YWHAZ: variants seen among roughly 807,000 people sequenced by gnomAD.
The protein encoded by YWHAZ is tyrosine 3-monooxygenase/tryptophan 5-monooxygenase activation protein zeta, also known as 14-3-3 protein zeta/delta.
For missense variants in YWHAZ, 79 were observed against 284.8 expected, an observed-to-expected ratio of 0.28 and a Z score of 5.20; for synonymous variants, 87 against 103.6, an observed-to-expected ratio of 0.84 and a Z score of 0.97.
rs1225543243 is a variant in YWHAZ at position 100,920,234 on chromosome 8, T to C, written c.*459A>G. On this transcript the variant is annotated 3_prime_UTR_variant, in exon 6 of 6. Coordinates refer to ENST00000395958, the MANE Select transcript of YWHAZ (RefSeq NM_145690.3). Reference sequence around the variant, plus strand: ...TACATGGTTTAATATGTGGTATCCATGGGGTATGATTCTACCACAGCCTTG... The same window carrying C: ...TACATGGTTTAATATGTGGTATCCACGGGGTATGATTCTACCACAGCCTTG... 6.1e-6 allele frequency: 1 copy of C among 162,998 alleles called. No homozygotes were observed. Among genetic ancestry groups the C allele is most frequent in the African/African-American group, 2.4e-5 (1 of 41,528 alleles). The allele number at this position is 162,998 out of a possible 1,614,324, so 10.1% of individuals were successfully genotyped here.
At position 100,920,041 on chromosome 8, in the gene YWHAZ, TA is replaced by T. The variant is rs1284957983; in HGVS notation, c.*651del. The T allele has an allele frequency of 6.6e-6, 1 of 152,430 alleles. No individual in the cohort carries two copies. Among genetic ancestry groups the T allele is most frequent in the Non-Finnish European group, 1.5e-5 (1 of 68,020 alleles). 9.4% of individuals were successfully genotyped at this position (152,430 alleles called of 1,614,324 possible). ...GTTGCCTAAAACATTTAAATACAAA[TA>T]AAATGAGTGTAGCAAAAATAATGAA... On this transcript the variant is annotated 3_prime_UTR_variant, in exon 6 of 6. Transcript: ENST00000395958.
rs1812935498 is a variant in YWHAZ, at chr8:100,920,551, C to T, written c.*142G>A. 1.2e-6 allele frequency: 1 copy of T among 803,618 alleles called. No homozygotes were observed. Among genetic ancestry groups the T allele is most frequent in the Non-Finnish European group, 2.0e-6 (1 of 495,274 alleles). The allele number at this position is 803,618 out of a possible 1,614,324, so 49.8% of individuals were successfully genotyped here. On this transcript the variant is annotated 3_prime_UTR_variant, in exon 6 of 6. Coordinates refer to ENST00000395958, the MANE Select transcript of YWHAZ (RefSeq NM_145690.3). ...CCCCTAATATTAAACATAAAAACCA[C>T]ATGGGAAATATAGAAATTCAAATAG...
At chr8:100,934,440 G>A (rs1461400916) in intron 2 of YWHAZ, among the ~76,000 whole-genome samples, 2 of 150,670 alleles carry the variant, frequency 1.3e-5, no homozygotes, top group East Asian at 1.9e-4. Context: ...GGTGGCTCAC[G>A]CCTGTAATCC....
rs1418852595 is a variant in YWHAZ, at chr8:100,948,010, C to CAA, written c.294+584_294+585dup. 31 of 1,238,830 alleles carry CAA rather than the reference C, an allele frequency of 2.5e-5. No individual in the cohort carries two copies. The highest frequency in any genetic ancestry group is 2.4e-5 in the Admixed American group (1 of 42,158). 76.7% of individuals were successfully genotyped at this position (1,238,830 alleles called of 1,614,324 possible). A position where few individuals can be genotyped will look rare whatever the true frequency, so the allele number is the denominator to read the frequency against. On this transcript the variant is annotated intron_variant, in intron 2 of 5. Coordinates refer to ENST00000395958, the MANE Select transcript of YWHAZ (RefSeq NM_145690.3). The surrounding 1 kb of genome is among the most constrained non-coding windows in gnomAD (Gnocchi z 4.2). ...TACTGAATACTTAAAATACTCGATT[C>CAA]AAACTGGAAAATCAAGCTTGAGTTG...
In YWHAZ at chr8:100,942,668, C is replaced by A. The variant is rs137915616; in HGVS notation, c.294+5928G>T. ...GAGTAATGAAGCAGAAACCCTCAGG[C>A]CATAAAGATGGTAATTAGCAACAGT... On this transcript the variant is annotated intron_variant, in intron 2 of 5. Coordinates refer to ENST00000395958, the MANE Select transcript of YWHAZ (RefSeq NM_145690.3). Among the ~76,000 whole-genome samples the A allele has an allele frequency of 3.5e-4, 54 of 152,214 alleles. No individual in the cohort carries two copies. The South Asian group carries it at 4.1e-3, about 12-fold the overall frequency.
At chr8:100,951,500 C>A in intron 1 of YWHAZ, 1 of 985,810 alleles carries the variant, frequency 1.0e-6, no homozygotes, top group Non-Finnish European at 1.2e-6. Context: ...GAGTCATTAT[C>A]TCGGGCGGAA....
At position 100,951,965 on chromosome 8, in the gene YWHAZ, G is replaced by C. The variant is rs924724444; in HGVS notation, c.-48C>G. 16 of 1,004,368 alleles carry C rather than the reference G, an allele frequency of 1.6e-5. No homozygotes were observed. The highest frequency in any genetic ancestry group is 6.1e-5 in the Admixed American group (1 of 16,450). The allele number at this position is 1,004,368 out of a possible 1,614,324, so 62.2% of individuals were successfully genotyped here. A position where few individuals can be genotyped will look rare whatever the true frequency, so the allele number is the denominator to read the frequency against. On this transcript the variant is annotated 5_prime_UTR_variant, in exon 1 of 6. Coordinates refer to ENST00000395958, the MANE Select transcript of YWHAZ (RefSeq NM_145690.3). ...GTGGGTGGTGGCGGCGGACGGACGG[G>C]CTCAGCAGTCTCTGGGCGGCGGCGG...
chr8:100,949,293 G>A (rs1264974679), intron 1 of YWHAZ, among the ~76,000 whole-genome samples: 1 of 152,092 alleles, frequency 6.6e-6, no homozygotes, highest in African/African-American at 2.4e-5. Flanking sequence ...TTTAGTAAAA[G>A]CATTGTTTAC....
intron 1 of YWHAZ, among the ~76,000 whole-genome samples, chr8:100,949,800 T>C (rs1163200358): frequency 6.6e-6 from 1 of 152,244 alleles, no homozygotes. Flanking sequence ...ACTACCCATC[T>C]AATTCTCTTT....
At chr8:100,934,031 A>C (rs1813945828) in intron 2 of YWHAZ, among the ~76,000 whole-genome samples, 1 of 151,650 alleles carries the variant, frequency 6.6e-6, no homozygotes, top group Non-Finnish European at 1.5e-5. Context: ...GGTGGTGCAC[A>C]CCTGTAATCC....
At chr8:100,946,592 G>C (rs1810293380) in intron 2 of YWHAZ, among the ~76,000 whole-genome samples, 1 of 151,900 alleles carries the variant, frequency 6.6e-6, no homozygotes, top group Admixed American at 6.6e-5. Flanking sequence ...AAACAAACCT[G>C]CTACAAGTCT....
At chr8:100,944,398 A>G (rs1810112726) in intron 2 of YWHAZ, among the ~76,000 whole-genome samples, 1 of 152,232 alleles carries the variant, frequency 6.6e-6, no homozygotes, top group African/African-American at 2.4e-5. Context: ...AAAAACGTAG[A>G]GCAGCAATAA....
Position 100,924,872 on chromosome 8 carries a change from GTTATC to G in YWHAZ, c.418+39_418+43del. On this transcript the variant is annotated intron_variant, in intron 3 of 5. Transcript: ENST00000395958. This position sits in a 1 kb window ranked among gnomAD's most constrained non-coding sequence, Gnocchi z 5.7. ...CGCTTCAGAGACTCTTCCTCACTATGTTATCTTATACAAGTTCAACCAACAGGTTT... is the reference window on the plus strand; with the variant it reads ...CGCTTCAGAGACTCTTCCTCACTATGTTATACAAGTTCAACCAACAGGTTT... 6.2e-7 allele frequency: 1 copy of G among 1,609,180 alleles called. No individual in the cohort carries two copies. Among genetic ancestry groups the G allele is most frequent in the Non-Finnish European group, 8.5e-7 (1 of 1,178,484 alleles).
rs981256680 is a variant in YWHAZ, at chr8:100,916,898, TAG to T, written c.*3793_*3794del. 6.6e-6 allele frequency: 1 copy of T among 151,786 alleles called. No individual in the cohort carries two copies. The highest frequency in any genetic ancestry group is 1.9e-4 in the East Asian group (1 of 5,150). 9.4% of individuals were successfully genotyped at this position (151,786 alleles called of 1,614,324 possible). A position where few individuals can be genotyped will look rare whatever the true frequency, so the allele number is the denominator to read the frequency against. ...AAAAGTATTTAATTAGTTTCACACT[TAG>T]AAAAGAATCCAAGTCTATTTTCCAA... On this transcript the variant is annotated 3_prime_UTR_variant, in exon 6 of 6. Transcript: ENST00000395958.
chr8:100,950,673 A>G (rs71506350), intron 1 of YWHAZ: 526,120 of 858,994 alleles, frequency 0.61, 163,584 homozygotes, highest in African/African-American at 0.76. Flanking sequence ...GGGGGGAGAG[A>G]TGGGGAGCGA....
At chr8:100,920,795 T>TCGGGGGG in intron 5 of YWHAZ, 43 bp from the exon 6 acceptor site, 1 of 88,016 alleles carries the variant, frequency 1.1e-5, no homozygotes, top group Non-Finnish European at 2.2e-5. Flanking sequence ...TTCAGTGGGA[T>TCGGGGGG]GGGGGGGGGG....
At chr8:100,949,738 C>T (rs1810570708) in intron 1 of YWHAZ, among the ~76,000 whole-genome samples, 1 of 152,198 alleles carries the variant, frequency 6.6e-6, no homozygotes, top group Non-Finnish European at 1.5e-5. Context: ...CATTTTGCTT[C>T]TAGCCATCAT....
Position 100,943,356 on chromosome 8 carries a change from A to G in YWHAZ, c.294+5240T>C, listed in dbSNP as rs564388667. 5.4e-4 allele frequency among the ~76,000 whole-genome samples: 83 copies of G among 152,352 alleles called. 1 individual carries two copies. The South Asian group carries it at 0.017, about 31-fold the overall frequency. On this transcript the variant is annotated intron_variant, in intron 2 of 5. Transcript: ENST00000395958. ...AAACTTATTAGAATTTCAATAAACT[A>G]TATGCTAACTTTTAAAACTTACTTG...
chr8:100,943,646 A>T (rs1208728382), intron 2 of YWHAZ, among the ~76,000 whole-genome samples: 1 of 152,014 alleles, frequency 6.6e-6, no homozygotes, highest in Admixed American at 6.6e-5. Flanking sequence ...AAAATATGTC[A>T]TTGGGTGTGG....
Sources: allele counts gnomAD v4.1 joint callset (sites outside exome capture counted in the v4.1 genomes callset), GRCh38; gene constraint gnomAD v4.1.1; non-coding constraint Gnocchi (gnomAD v3.1); transcripts MANE v1.5; gene names NCBI Gene and HGNC (gene_info 2026-07-23, HGNC 2026-07-21).